Variants in PRKG1 observed in about 807,000 individuals in gnomAD.
PRKG1 encodes cGMP-dependent protein kinase 1.
Under a neutral mutation model 88.1 loss-of-function variants are expected in PRKG1, and 35 were observed. The observed-to-expected ratio is 0.40, with a 90% CI of 0.30 to 0.53. The LOEUF (loss-of-function observed/expected upper bound fraction) is 0.53. Ranked by LOEUF, PRKG1 falls within the 20% of genes least tolerant of loss-of-function variation. The pLI is 0.59. For missense variants in PRKG1, 540 were observed against 839.8 expected (o/e 0.64, Z 4.41); for synonymous variants, 303 against 292.5 (o/e 1.04, Z -0.37).
intron 2 of PRKG1, among the ~76,000 whole-genome samples, chr10:51,170,752 T>G: frequency 1.8e-5 from 1 of 55,806 alleles, no homozygotes; most frequent in Non-Finnish European, 3.3e-5. Context: ...GTGGGGTGAG[T>G]CATTGCAGGG....
chr10:51,259,976 T>C (rs968270250), intron 2 of PRKG1, among the ~76,000 whole-genome samples: 1 of 152,240 alleles, frequency 6.6e-6, no homozygotes, highest in Admixed American at 6.5e-5. Flanking sequence ...ATCTAAAATA[T>C]AGTACATTTC....
chr10:51,408,221 C>A (rs1053742324), intron 2 of PRKG1, among the ~76,000 whole-genome samples: 1 of 152,164 alleles, frequency 6.6e-6, no homozygotes, highest in African/African-American at 2.4e-5. Flanking sequence ...CCCAGCCCTG[C>A]AAAGTATTGT....
chr10:51,245,469 G>T (rs923816285), intron 2 of PRKG1: 1 of 152,030 alleles, frequency 6.6e-6, no homozygotes, highest in Non-Finnish European at 1.5e-5. Context: ...ATTTAGAGAT[G>T]TGCACACTAT....
chr10:51,640,498 TA>T (rs1839772551), intron 3 of PRKG1, among the ~76,000 whole-genome samples: 1 of 152,202 alleles, frequency 6.6e-6, no homozygotes, highest in Non-Finnish European at 1.5e-5. Context: ...CAAGAGAAAG[TA>T]AATCAGAAAA....
intron 3 of PRKG1, among the ~76,000 whole-genome samples, chr10:51,701,529 T>C (rs1368720901): frequency 1.3e-5 from 2 of 152,198 alleles, no homozygotes; most frequent in African/African-American, 4.8e-5. Flanking sequence ...AATAGTCACC[T>C]GCTAGCAATG....
intron 3 of PRKG1, among the ~76,000 whole-genome samples, chr10:51,476,036 T>C (rs2132834481): frequency 6.6e-6 from 1 of 152,204 alleles, no homozygotes; most frequent in South Asian, 2.1e-4. Flanking sequence ...TTTGTACTCA[T>C]AGTGGAAAGG....
At position 51,074,740 on chromosome 10, in the gene PRKG1, C is replaced by T. The variant is rs1843902651; in HGVS notation, c.150C>T (p.Arg50=). The change falls in exon 1 of 18, where the codon CGC becomes CGT. Residue 50 remains arginine, a synonymous_variant. Coordinates refer to ENST00000373980, the MANE Select transcript of PRKG1 (RefSeq NM_006258.4). ...TGCAGAACGAGCTGGACAAGTACCG[C>T]TCGGTGATCCGACCAGCCACCCAGC... ...QKLQNELDKY[R]SVIRPATQQA... 1.2e-6 allele frequency: 2 copies of T among 1,614,064 alleles called. No individual in the cohort carries two copies. Among genetic ancestry groups the T allele is most frequent in the South Asian group, 2.2e-5 (2 of 91,056 alleles).
chr10:51,781,416 G>A (rs528746197), intron 3 of PRKG1, among the ~76,000 whole-genome samples: 1 of 152,248 alleles, frequency 6.6e-6, no homozygotes, highest in African/African-American at 2.4e-5. Context: ...TATAGCAAGT[G>A]CAGTTTTAGG....
chr10:51,155,287 T>C (rs544040632), intron 2 of PRKG1, among the ~76,000 whole-genome samples: 1 of 152,216 alleles, frequency 6.6e-6, no homozygotes, highest in South Asian at 2.1e-4. Context: ...TCTAGCTATA[T>C]TGGAAGAAGC....
intron 3 of PRKG1, among the ~76,000 whole-genome samples, chr10:51,534,763 A>G (rs56159251): frequency 2.6e-5 from 4 of 152,256 alleles, no homozygotes; most frequent in African/African-American, 9.6e-5. Context: ...TGACAAGAAA[A>G]AATGTATTTA....
At chr10:52,226,020 G>A (rs1336686296) in intron 9 of PRKG1, among the ~76,000 whole-genome samples, 1 of 136,860 alleles carries the variant, frequency 7.3e-6, no homozygotes, top group Non-Finnish European at 1.5e-5. Context: ...TAAGTCATGA[G>A]GGTTGATTTT....
At chr10:51,978,860 G>A (rs774388675) in intron 5 of PRKG1, among the ~76,000 whole-genome samples, 16 of 151,986 alleles carry the variant, frequency 1.1e-4, no homozygotes, top group Non-Finnish European at 2.1e-4. Flanking sequence ...GGAGATTTGG[G>A]CTGAGACTAT....
At chr10:51,305,796 T>G (rs938214134) in intron 2 of PRKG1, among the ~76,000 whole-genome samples, 14 of 152,262 alleles carry the variant, frequency 9.2e-5, no homozygotes, top group South Asian at 6.2e-4. Context: ...AATATCATTT[T>G]CTTCCTAGAG....
At chr10:51,251,044 G>C (rs1839414801) in intron 2 of PRKG1, among the ~76,000 whole-genome samples, 1 of 151,738 alleles carries the variant, frequency 6.6e-6, no homozygotes, top group Admixed American at 6.6e-5. Flanking sequence ...TGTTTATTGT[G>C]ATATTATGTC....
chr10:51,464,890 CAAA>C (rs11316369), intron 2 of PRKG1, among the ~76,000 whole-genome samples: 9 of 88,128 alleles, frequency 1.0e-4, no homozygotes, highest in African/African-American at 1.2e-4. Flanking sequence ...GACTCCGTCT[CAAA>C]AAAAAAAAAA....
At chr10:51,244,308 C>CTTTT (rs76339310) in intron 2 of PRKG1, among the ~76,000 whole-genome samples, 1 of 136,678 alleles carries the variant, frequency 7.3e-6, no homozygotes, top group Non-Finnish European at 1.6e-5. Context: ...CCCTTTCTTC[C>CTTTT]TTTTTTTTTT....
At chr10:51,055,416 T>G (rs1463614455) in intron 1 of PRKG1, among the ~76,000 whole-genome samples, 1 of 152,182 alleles carries the variant, frequency 6.6e-6, no homozygotes, top group Non-Finnish European at 1.5e-5. Context: ...ATTATTTTAT[T>G]CATTATAATC....
At chr10:52,021,905 T>C (rs1355331231) in intron 5 of PRKG1, among the ~76,000 whole-genome samples, 1 of 152,222 alleles carries the variant, frequency 6.6e-6, no homozygotes, top group Non-Finnish European at 1.5e-5. Context: ...TTTTTCTTAT[T>C]GCCATATCCA....
intron 1 of PRKG1, among the ~76,000 whole-genome samples, chr10:51,127,630 A>T (rs1845464456): frequency 6.6e-6 from 1 of 152,216 alleles, no homozygotes. Context: ...AGGAATATAC[A>T]TCATTCTACT....
Sources: allele counts gnomAD v4.1 joint callset (sites outside exome capture counted in the v4.1 genomes callset), GRCh38; gene constraint gnomAD v4.1.1; transcripts MANE v1.5; gene names NCBI Gene and HGNC (gene_info 2026-07-23, HGNC 2026-07-21).